The following DENND1A variants were observed in gnomAD, a reference collection of about 807,000 sequenced individuals.
DENND1A encodes the protein DENN domain containing 1A.
Under a neutral mutation model 113.7 loss-of-function variants are expected in DENND1A, and 51 were observed. The ratio of observed to expected loss-of-function variants is 0.45; its 90% CI spans 0.36 to 0.57. DENND1A has a LOEUF of 0.57. Ranked by LOEUF, DENND1A falls within the 20% of genes least tolerant of loss-of-function variation. The probability of loss-of-function intolerance (pLI) is 0.00; values close to 1 mark genes in which losing one functional copy is unlikely to be tolerated. For synonymous variants in DENND1A, 565 were observed against 570.8 expected, an observed-to-expected ratio of 0.99 and a Z score of 0.14; for missense variants, 1,258 against 1,395.9, an observed-to-expected ratio of 0.90 and a Z score of 1.57.
intron 2 of DENND1A, among the ~76,000 whole-genome samples, chr9:123,870,102 T>G (rs982827340): frequency 6.6e-6 from 1 of 150,496 alleles, no homozygotes; most frequent in Non-Finnish European, 1.5e-5. Flanking sequence ...AAATATAGAA[T>G]AGCTGAAGTA....
At chr9:123,471,371 G>C (rs1047012086) in intron 13 of DENND1A, among the ~76,000 whole-genome samples, 4 of 152,152 alleles carry the variant, frequency 2.6e-5, no homozygotes, top group African/African-American at 7.2e-5. Flanking sequence ...AGTGCCTAGT[G>C]GGGGGCTTGA....
intron 5 of DENND1A, among the ~76,000 whole-genome samples, chr9:123,738,441 TTC>T (rs1554726297): frequency 1.7e-4 from 21 of 123,376 alleles, no homozygotes; most frequent in East Asian, 1.3e-3. Flanking sequence ...TGTCAACAGC[TTC>T]TGTGTGTGTG....
chr9:123,924,730 AT>A (rs1378005856), intron 1 of DENND1A, among the ~76,000 whole-genome samples: 1 of 152,034 alleles, frequency 6.6e-6, no homozygotes, highest in East Asian at 1.9e-4. Context: ...AAAATTTCGT[AT>A]CTTAAACAGT....
At chr9:123,534,185 G>C (rs1192094372) in intron 13 of DENND1A, among the ~76,000 whole-genome samples, 2 of 152,168 alleles carry the variant, frequency 1.3e-5, no homozygotes, top group South Asian at 2.1e-4. Context: ...ATTGTCTTAA[G>C]AGTTTTTCCA....
intron 2 of DENND1A, among the ~76,000 whole-genome samples, chr9:123,876,164 C>A (rs182843510): frequency 6.6e-6 from 1 of 152,216 alleles, no homozygotes; most frequent in Non-Finnish European, 1.5e-5. Context: ...CAGACAGATA[C>A]AAATCCAGGA....
intron 19 of DENND1A, among the ~76,000 whole-genome samples, chr9:123,438,703 G>A (rs1219241150): frequency 6.6e-6 from 1 of 152,142 alleles, no homozygotes; most frequent in Non-Finnish European, 1.5e-5. Flanking sequence ...TTGCAGACCT[G>A]TGAAGGCACA....
At chr9:123,412,530 A>G (rs961197127) in intron 19 of DENND1A, among the ~76,000 whole-genome samples, 1 of 152,200 alleles carries the variant, frequency 6.6e-6, no homozygotes, top group African/African-American at 2.4e-5. Flanking sequence ...AGACCTGGGG[A>G]AAAAATCTGC....
In DENND1A at chr9:123,764,573, C is replaced by T. The variant is rs1049877051; in HGVS notation, c.182+4941G>A. ...TGGACCCAAAATATGAGGGGACCAA[C>T]AGTAAGTGACACACTTCGAGACAGA... On this transcript the variant is annotated intron_variant, in intron 4 of 23. Coordinates refer to ENST00000394215, the MANE Select transcript of DENND1A (RefSeq NM_001352964.2). The surrounding 1 kb of genome is among the most constrained non-coding windows in gnomAD (Gnocchi z 4.1). Among the ~76,000 whole-genome samples, 2 of 152,192 alleles carry T rather than the reference C, an allele frequency of 1.3e-5. No individual in the cohort carries two copies. The highest frequency in any genetic ancestry group is 1.9e-4 in the East Asian group (1 of 5,200).
At chr9:123,460,987 G>C (rs543818624) in intron 13 of DENND1A, among the ~76,000 whole-genome samples, 4 of 152,308 alleles carry the variant, frequency 2.6e-5, no homozygotes, top group African/African-American at 9.6e-5. Flanking sequence ...GGTGAGGAAA[G>C]GGAGAGCTCC....
chr9:123,486,700 TGAAACC>T (rs1264534891), intron 13 of DENND1A, among the ~76,000 whole-genome samples: 2 of 152,186 alleles, frequency 1.3e-5, no homozygotes, highest in East Asian at 3.8e-4. Context: ...AGCACCTTGG[TGAAACC>T]ATCCCTGATA....
At chr9:123,558,787 C>T (rs553314261) in intron 12 of DENND1A, among the ~76,000 whole-genome samples, 17 of 152,334 alleles carry the variant, frequency 1.1e-4, no homozygotes, top group African/African-American at 1.9e-4. Flanking sequence ...ACACCTTTCA[C>T]GCTGCGTTCC....
intron 5 of DENND1A, among the ~76,000 whole-genome samples, chr9:123,717,205 C>T (rs2067031222): frequency 6.6e-6 from 1 of 152,170 alleles, no homozygotes; most frequent in Non-Finnish European, 1.5e-5. Flanking sequence ...CATTAGTAAA[C>T]TGAGGGACAA....
intron 16 of DENND1A, 62 bp downstream of exon 16, chr9:123,454,677 C>T (rs1423281774): frequency 1.3e-5 from 19 of 1,505,646 alleles, no homozygotes; most frequent in South Asian, 8.4e-5. Flanking sequence ...CACAGGGAAG[C>T]GGAAGGCTGC....
Position 123,676,734 on chromosome 9 carries a change from TG to T in DENND1A, c.357del (p.Tyr119Ter), listed in dbSNP as rs2064100040. The T allele has an allele frequency of 1.9e-6, 3 of 1,614,024 alleles. No homozygotes were observed. Among genetic ancestry groups the T allele is most frequent in the East Asian group, 4.5e-5 (2 of 44,864 alleles). ...AAGGTAAATACCTGTCTTTTTGTCG[TG>T]TAATCTGCCAGGATGTTAAGCAGCT... Reference protein sequence around the residue: ...FYKLLNILADYTTKRQENQWN... With the variant: ...FYKLLNILADXTTKRQENQWN... On this transcript the variant is annotated frameshift_variant, in exon 6 of 24. Coordinates refer to ENST00000394215, the MANE Select transcript of DENND1A (RefSeq NM_001352964.2). LOFTEE classifies it high-confidence loss of function.
chr9:123,835,867 C>T (rs1386164814), intron 2 of DENND1A, among the ~76,000 whole-genome samples: 4 of 152,050 alleles, frequency 2.6e-5, no homozygotes, highest in Non-Finnish European at 5.9e-5. Context: ...GGTATATATG[C>T]TATATAAAAG....
At chr9:123,665,636 AATAGTTATG>A (rs2139816931) in intron 8 of DENND1A, among the ~76,000 whole-genome samples, 1 of 152,338 alleles carries the variant, frequency 6.6e-6, no homozygotes, top group African/African-American at 2.4e-5. Context: ...GTGAATCTAC[AATAGTTATG>A]AAAAGGTATA....
chr9:123,463,519 T>A (rs536380013), intron 13 of DENND1A, among the ~76,000 whole-genome samples: 2 of 152,352 alleles, frequency 1.3e-5, no homozygotes, highest in South Asian at 2.1e-4. Context: ...TTTTACTGAT[T>A]TAATTTTTAT....
intron 5 of DENND1A, among the ~76,000 whole-genome samples, chr9:123,755,349 G>A (rs1383822985): frequency 6.6e-6 from 1 of 151,566 alleles, no homozygotes; most frequent in Non-Finnish European, 1.5e-5. Context: ...TTGCCATGTG[G>A]GCCAGGCTGT....
At chr9:123,864,482 G>A (rs527373521) in intron 2 of DENND1A, among the ~76,000 whole-genome samples, 1 of 152,290 alleles carries the variant, frequency 6.6e-6, no homozygotes, top group East Asian at 1.9e-4. Context: ...CGAGGCCCGG[G>A]GTAAATGCCT....
Sources: gnomAD v4.1 joint callset for allele counts (sites outside exome capture counted in the v4.1 genomes callset) on GRCh38, gnomAD v4.1.1 for gene constraint, Gnocchi (gnomAD v3.1) non-coding constraint, MANE v1.5 for transcripts, NCBI Gene and HGNC (gene_info 2026-07-23, HGNC 2026-07-21) for gene names.